The following DPYSL5 variants were observed in gnomAD, a reference collection of about 807,000 sequenced individuals.
The protein encoded by DPYSL5 is dihydropyrimidinase like 5.
Under a neutral mutation model 58.4 loss-of-function variants are expected in DPYSL5, and 9 were observed. The observed-to-expected ratio is 0.15, with a 90% CI of 0.09 to 0.27. The LOEUF (loss-of-function observed/expected upper bound fraction) is 0.27, where lower values mean the gene tolerates loss of function less well. Ranked by LOEUF, DPYSL5 falls within the 10% of genes least tolerant of loss-of-function variation. The probability of loss-of-function intolerance (pLI) is 1.00; values close to 1 mark genes in which losing one functional copy is unlikely to be tolerated. For synonymous variants in DPYSL5, 293 were observed against 301.9 expected (o/e 0.97, Z 0.31); for missense variants, 499 against 770.6 (o/e 0.65, Z 4.17).
chr2:26,902,919 GTCA>G (rs1664194501), intron 2 of DPYSL5, among the ~76,000 whole-genome samples: 1 of 152,244 alleles, frequency 6.6e-6, no homozygotes, highest in South Asian at 2.1e-4. Flanking sequence ...ACATCAGGAA[GTCA>G]CCCTAGATGG....
In DPYSL5 at chr2:26,927,400, G is replaced by A. The variant is rs144366814; in HGVS notation, c.568G>A (p.Val190Ile). 2.4e-4 allele frequency: 384 copies of A among 1,614,166 alleles called. 1 individual carries two copies. The highest frequency in any genetic ancestry group is 3.1e-4 in the Non-Finnish European group (362 of 1,180,028). Reference sequence around the variant, plus strand: ...CAAGGACATTGGGGCAATCGCCCGCGTCCATGCTGAAAATGGGGAGCTTGT... The same window carrying A: ...CAAGGACATTGGGGCAATCGCCCGCATCCATGCTGAAAATGGGGAGCTTGT... ...ACKDIGAIAR[V>I]HAENGELVAE... is the part of the protein sequence containing the mutation. The change falls in exon 4 of 13, where the codon GTC becomes ATC. Residue 190 changes from valine to isoleucine, a missense_variant. Around this residue, in one of 3 missense-constraint regions of DPYSL5, gnomAD observed 404 missense variants for 647.6 expected, o/e 0.62. Coordinates refer to ENST00000288699, the MANE Select transcript of DPYSL5 (RefSeq NM_020134.4). The surrounding 1 kb of genome is among the most constrained non-coding windows in gnomAD (Gnocchi z 4.3).
At chr2:26,918,135 CAAAAAAAA>C (rs71401540) in intron 2 of DPYSL5, among the ~76,000 whole-genome samples, 11 of 54,078 alleles carry the variant, frequency 2.0e-4, no homozygotes, top group East Asian at 7.2e-4. Flanking sequence ...GAGTCTGTCT[CAAAAAAAA>C]AAAAAAAAAA....
intron 2 of DPYSL5, among the ~76,000 whole-genome samples, chr2:26,903,015 C>G (rs1188009931): frequency 1.3e-5 from 2 of 152,214 alleles, no homozygotes; most frequent in Non-Finnish European, 2.9e-5. Context: ...CAACCAGCAG[C>G]CCTGGAGCTG....
chr2:26,881,147 C>T (rs1208410932), intron 1 of DPYSL5, among the ~76,000 whole-genome samples: 1 of 152,168 alleles, frequency 6.6e-6, no homozygotes, highest in Non-Finnish European at 1.5e-5. Flanking sequence ...GGTCACTGCC[C>T]TCACCTGTGC....
At chr2:26,873,460 CA>C (rs1016703258) in intron 1 of DPYSL5, among the ~76,000 whole-genome samples, 6 of 152,156 alleles carry the variant, frequency 3.9e-5, no homozygotes, top group Non-Finnish European at 8.8e-5. Flanking sequence ...TTGGTTGTCA[CA>C]ACTGGGCAGG....
chr2:26,939,925 C>G, intron 8 of DPYSL5, 106 bp from the exon 9 acceptor site: 1 of 1,476,694 alleles, frequency 6.8e-7, no homozygotes, highest in South Asian at 1.3e-5. Flanking sequence ...AAATTGGAGT[C>G]GGCTTTGCCT....
Position 26,928,795 on chromosome 2 carries a change from C to T in DPYSL5, c.669+472C>T, listed in dbSNP as rs72851861. On this transcript the variant is annotated intron_variant, in intron 5 of 12. Transcript: ENST00000288699. ...TGTGTGTATAGCATCATTTTCTCCA[C>T]GGGTGAAATTTCCATTTGATTCTGA... Among the ~76,000 whole-genome samples, 804 of 145,278 alleles carry T rather than the reference C, an allele frequency of 5.5e-3. 29 individuals are homozygous for T. Among genetic ancestry groups the T allele is most frequent in the African/African-American group, 0.02 (741 of 37,932 alleles).
rs1405951889 is a variant in DPYSL5 at position 26,934,068 on chromosome 2, G to A, written c.791-510G>A. On this transcript the variant is annotated intron_variant, in intron 7 of 12. Coordinates refer to ENST00000288699, the MANE Select transcript of DPYSL5 (RefSeq NM_020134.4). The surrounding 1 kb of genome is among the most constrained non-coding windows in gnomAD (Gnocchi z 4.3). ...TCCCCTCACTGAAGCCCCTTGGAGG[G>A]TCTCGCCTAGACTGTCGTCCCAGCC... Among the ~76,000 whole-genome samples, 2 of 152,086 alleles carry A rather than the reference G, an allele frequency of 1.3e-5. No individual in the cohort carries two copies. The highest frequency in any genetic ancestry group is 6.5e-5 in the Admixed American group (1 of 15,272).
intron 1 of DPYSL5, among the ~76,000 whole-genome samples, chr2:26,870,217 G>A (rs1016758552): frequency 2.0e-5 from 3 of 152,128 alleles, no homozygotes; most frequent in South Asian, 2.1e-4. Context: ...TTTTGGTAAC[G>A]TGTCTTTATT....
chr2:26,930,796 A>G (rs2148163584), intron 5 of DPYSL5, among the ~76,000 whole-genome samples: 2 of 152,084 alleles, frequency 1.3e-5, no homozygotes, highest in South Asian at 4.2e-4. Flanking sequence ...AACATGGTGA[A>G]ATCCTGTCTC....
chr2:26,895,749 C>T (rs1055060440), intron 1 of DPYSL5, among the ~76,000 whole-genome samples: 1 of 151,328 alleles, frequency 6.6e-6, no homozygotes, highest in East Asian at 1.9e-4. Context: ...CACTGATAAC[C>T]ACCATTCTGT....
intron 3 of DPYSL5, among the ~76,000 whole-genome samples, chr2:26,926,263 C>A (rs1664828158): frequency 6.6e-6 from 1 of 152,190 alleles, no homozygotes; most frequent in Non-Finnish European, 1.5e-5. Context: ...AGGTGCAGAT[C>A]ACGCTGAATG....
At chr2:26,860,498 T>C (rs946559545) in intron 1 of DPYSL5, among the ~76,000 whole-genome samples, 3 of 152,234 alleles carry the variant, frequency 2.0e-5, no homozygotes, top group Admixed American at 6.5e-5. Flanking sequence ...AAATTAAAAC[T>C]GCACATTCCT....
chr2:26,878,535 G>A (rs1341867056), intron 1 of DPYSL5, among the ~76,000 whole-genome samples: 1 of 151,784 alleles, frequency 6.6e-6, no homozygotes, highest in African/African-American at 2.4e-5. Flanking sequence ...TTCCGGCTTT[G>A]GATTATGATA....
chr2:26,944,748 C>G lies in DPYSL5; in HGVS notation c.1533C>G (p.Leu511=). 1 of 1,614,124 alleles carries G rather than the reference C, an allele frequency of 6.2e-7. No homozygotes were observed. The highest frequency in any genetic ancestry group is 1.1e-5 in the South Asian group (1 of 91,072). ...GGAAAAAAGAGATGGGAACCCCACTCGCAGACACTCCTACCCGGCCCGTCA... is the reference window on the plus strand; with the variant it reads ...GGAAAAAAGAGATGGGAACCCCACTGGCAGACACTCCTACCCGGCCCGTCA... ...HPGKKEMGTP[L]ADTPTRPVTR... Residue 511 remains leucine (L), a synonymous_variant, in exon 12 of 13, where the codon CTC becomes CTG. Coordinates refer to ENST00000288699, the MANE Select transcript of DPYSL5 (RefSeq NM_020134.4). The surrounding 1 kb of genome is among the most constrained non-coding windows in gnomAD (Gnocchi z 4.4).
intron 9 of DPYSL5, 69 bp from the exon 10 acceptor site, chr2:26,941,881 A>G: frequency 6.2e-7 from 1 of 1,604,134 alleles, no homozygotes; most frequent in Non-Finnish European, 8.5e-7. Flanking sequence ...GGCCAGCATC[A>G]AAGGTGACCA....
intron 2 of DPYSL5, among the ~76,000 whole-genome samples, chr2:26,922,524 G>A (rs1055472568): frequency 2.0e-5 from 3 of 152,146 alleles, no homozygotes; most frequent in African/African-American, 7.2e-5. Flanking sequence ...TCTTGCCCTG[G>A]GACCCACAGT....
chr2:26,892,133 A>G (rs1663896331), intron 1 of DPYSL5, among the ~76,000 whole-genome samples: 1 of 152,244 alleles, frequency 6.6e-6, no homozygotes, highest in African/African-American at 2.4e-5. Flanking sequence ...CTAAATCTGA[A>G]GCCCATCCCT....
At position 26,925,605 on chromosome 2, in the gene DPYSL5, G is replaced by A. The variant is rs1664812743; in HGVS notation, c.420+560G>A. On this transcript the variant is annotated intron_variant, in intron 3 of 12. Coordinates refer to ENST00000288699, the MANE Select transcript of DPYSL5 (RefSeq NM_020134.4). This position sits in a 1 kb window ranked among gnomAD's most constrained non-coding sequence, Gnocchi z 4.5. ...TGTGACTGAGGCTGGCACCCCCTGA[G>A]CCTTTCTCAGTTCAGCCTCTGTGCC... 6.6e-6 allele frequency among the ~76,000 whole-genome samples: 1 copy of A among 152,176 alleles called. No homozygotes were observed. Among genetic ancestry groups the A allele is most frequent in the South Asian group, 2.1e-4 (1 of 4,826 alleles).
Sources: allele counts gnomAD v4.1 joint callset (sites outside exome capture counted in the v4.1 genomes callset), GRCh38; gene constraint gnomAD v4.1.1; regional missense constraint gnomAD v4.1.1; non-coding constraint Gnocchi (gnomAD v3.1); transcripts MANE v1.5; gene names NCBI Gene and HGNC (gene_info 2026-07-23, HGNC 2026-07-21).